The following SNTG2 variants were observed in gnomAD, a reference collection of about 807,000 sequenced individuals.
SNTG2 encodes gamma-2-syntrophin.
In SNTG2, 74 loss-of-function variants were observed where a neutral mutation model predicts 70.9. The ratio of observed to expected loss-of-function variants is 1.04; its 90% CI spans 0.86 to 1.27. The LOEUF is 1.27. Among genes scored for constraint, SNTG2 ranks in the 50% most tolerant of loss-of-function variants. The pLI is 0.00. For synonymous variants in SNTG2, 278 were observed against 273.8 expected (o/e 1.02, Z -0.15); for missense variants, 717 against 690.7 (o/e 1.04, Z -0.43).
chr2:1,069,311 T>C (rs1045184941), intron 1 of SNTG2, among the ~76,000 whole-genome samples: 2 of 150,214 alleles, frequency 1.3e-5, no homozygotes, highest in Non-Finnish European at 3.0e-5. Context: ...AGGCTTCTTA[T>C]ATAAATGAAA....
chr2:1,064,475 AAAAAT>A (rs1251257835), intron 1 of SNTG2, among the ~76,000 whole-genome samples: 2 of 151,228 alleles, frequency 1.3e-5, no homozygotes, highest in Non-Finnish European at 2.9e-5. Flanking sequence ...TTATATATAT[AAAAAT>A]AAAGTACTAC....
At chr2:1,341,581 C>A (rs2148295809) in intron 16 of SNTG2, 1 of 152,360 alleles carries the variant, frequency 6.6e-6, no homozygotes, top group African/African-American at 2.4e-5. Flanking sequence ...CTCTTCTCTT[C>A]TCTGGAGGTT....
At chr2:1,335,080 T>C (rs1659731820) in intron 16 of SNTG2, among the ~76,000 whole-genome samples, 1 of 152,190 alleles carries the variant, frequency 6.6e-6, no homozygotes, top group Non-Finnish European at 1.5e-5. Flanking sequence ...ATAAAGAGAT[T>C]CATGTGTTTT....
At chr2:1,044,532 T>C (rs1661618033) in intron 1 of SNTG2, among the ~76,000 whole-genome samples, 1 of 152,224 alleles carries the variant, frequency 6.6e-6, no homozygotes, top group South Asian at 2.1e-4. Flanking sequence ...GGGTTTGTCA[T>C]AGATAGTTCT....
intron 9 of SNTG2, among the ~76,000 whole-genome samples, chr2:1,228,801 G>GC (rs1368393938): frequency 6.6e-6 from 1 of 152,194 alleles, no homozygotes; most frequent in Admixed American, 6.5e-5. Flanking sequence ...GCGGACCCTC[G>GC]CGGTGAGTGT....
intron 6 of SNTG2, among the ~76,000 whole-genome samples, chr2:1,158,012 G>C (rs4246567): frequency 0.99 from 150,088 of 152,322 alleles, 73,973 homozygotes; most frequent in East Asian, 1. Context: ...TTTGGTACGG[G>C]GCATCCTGTA....
chr2:978,227 G>A (rs146118596), intron 1 of SNTG2, among the ~76,000 whole-genome samples: 1,541 of 152,270 alleles, frequency 0.01, 25 homozygotes, highest in African/African-American at 0.035. Context: ...AGGATGATGC[G>A]GGAGTGATGG....
intron 1 of SNTG2, among the ~76,000 whole-genome samples, chr2:1,031,616 C>T (rs760307850): frequency 4.1e-5 from 6 of 147,274 alleles, no homozygotes; most frequent in South Asian, 2.2e-4. Context: ...CTGCAACCTC[C>T]GCCTCCAGGG....
At chr2:1,246,577 A>T (rs1013616803) in intron 11 of SNTG2, among the ~76,000 whole-genome samples, 1 of 152,154 alleles carries the variant, frequency 6.6e-6, no homozygotes, top group East Asian at 1.9e-4. Flanking sequence ...ACTTATTTTT[A>T]TTTTTTTAAG....
At position 1,118,693 on chromosome 2, in the gene SNTG2, G is replaced by T. The variant is rs547526916; in HGVS notation, c.326-18929G>T. On this transcript the variant is annotated intron_variant, in intron 4 of 16. Transcript: ENST00000308624. Reference sequence around the variant, plus strand: ...AAAAAATCTGTGAACTTGAAGAGAGGTCTTTTGGAATGACTCATTTGGGGA... The same window carrying T: ...AAAAAATCTGTGAACTTGAAGAGAGTTCTTTTGGAATGACTCATTTGGGGA... Among the ~76,000 whole-genome samples, 40 of 152,192 alleles carry T rather than the reference G, an allele frequency of 2.6e-4. 2 individuals carry two copies. In the South Asian group the frequency reaches 8.3e-3, roughly 32 times the overall value.
rs138496032 is a variant in SNTG2 at position 1,041,434 on chromosome 2, T to G, written c.73-42084T>G. Among the ~76,000 whole-genome samples, 13 of 152,342 alleles carry G rather than the reference T, an allele frequency of 8.5e-5. No homozygotes were observed. In the East Asian group the frequency reaches 2.5e-3, roughly 29 times the overall value. ...TATAATCAATTGCCTCAGTACAGTT[T>G]ATTTTTATTGCTAGCCGATATAGTT... On this transcript the variant is annotated intron_variant, in intron 1 of 16. Coordinates refer to ENST00000308624, the MANE Select transcript of SNTG2 (RefSeq NM_018968.4).
At chr2:1,102,518 G>A (rs1308008575) in intron 4 of SNTG2, 4 of 152,310 alleles carry the variant, frequency 2.6e-5, no homozygotes, top group Admixed American at 2.6e-4. Flanking sequence ...ACTCAGGCCA[G>A]GTTGAGGTTT....
intron 1 of SNTG2, among the ~76,000 whole-genome samples, chr2:1,001,804 C>A (rs1336866668): frequency 6.6e-6 from 1 of 151,936 alleles, no homozygotes; most frequent in South Asian, 2.1e-4. Flanking sequence ...GGCTGAATAG[C>A]CAAGCAGTTC....
At chr2:1,304,728 CAAAA>C (rs58886426) in intron 14 of SNTG2, among the ~76,000 whole-genome samples, 6 of 140,786 alleles carry the variant, frequency 4.3e-5, no homozygotes, top group African/African-American at 1.3e-4. Context: ...CTCTCTCTCT[CAAAA>C]AAAAAAAAAA....
intron 1 of SNTG2, among the ~76,000 whole-genome samples, chr2:958,507 GAT>G (rs1193049567): frequency 6.6e-6 from 1 of 151,778 alleles, no homozygotes; most frequent in African/African-American, 2.4e-5. Context: ...ACTCTGCAAA[GAT>G]ATGACATTTT....
intron 16 of SNTG2, among the ~76,000 whole-genome samples, chr2:1,364,102 C>A (rs887545816): frequency 6.6e-6 from 1 of 151,748 alleles, no homozygotes; most frequent in African/African-American, 2.4e-5. Context: ...TCCCAAGTAG[C>A]TGTGATTACA....
intron 15 of SNTG2, among the ~76,000 whole-genome samples, chr2:1,312,137 T>C (rs1681025268): frequency 6.6e-6 from 1 of 152,156 alleles, no homozygotes; most frequent in Admixed American, 6.5e-5. Flanking sequence ...TGTTTGACCA[T>C]GAAAATATTT....
intron 14 of SNTG2, among the ~76,000 whole-genome samples, chr2:1,285,853 G>T (rs113343926): frequency 4.6e-5 from 7 of 152,194 alleles, no homozygotes; most frequent in African/African-American, 1.7e-4. Context: ...TTGTAGTCCT[G>T]CCTGGATTGG....
At chr2:1,022,197 T>C (rs150723922) in intron 1 of SNTG2, among the ~76,000 whole-genome samples, 4 of 152,266 alleles carry the variant, frequency 2.6e-5, no homozygotes, top group African/African-American at 7.2e-5. Flanking sequence ...CCTGCGCTCC[T>C]GTGAATCCCT....
Sources: gnomAD v4.1 joint callset for allele counts (sites outside exome capture counted in the v4.1 genomes callset) on GRCh38, gnomAD v4.1.1 for gene constraint, MANE v1.5 for transcripts, NCBI Gene and HGNC (gene_info 2026-07-23, HGNC 2026-07-21) for gene names.